The following AP3M1 variants were observed in gnomAD, a reference collection of about 807,000 sequenced individuals.
The protein encoded by AP3M1 is AP-3 complex subunit mu-1.
In AP3M1, 29 loss-of-function variants were observed where a neutral mutation model predicts 42.6. That is an observed-to-expected ratio of 0.68 (90% CI 0.51 to 0.93). AP3M1 has a LOEUF of 0.93. Ranked by LOEUF, AP3M1 falls within the 40% of genes least tolerant of loss-of-function variation. The probability of loss-of-function intolerance (pLI) is 0.00; values close to 1 mark genes in which losing one functional copy is unlikely to be tolerated. For missense variants in AP3M1, 416 were observed against 510.2 expected, an observed-to-expected ratio of 0.82 and a Z score of 1.78; for synonymous variants, 178 against 175.3, an observed-to-expected ratio of 1.02 and a Z score of -0.12.
At position 74,138,088 on chromosome 10, in the gene AP3M1, G is replaced by C; in HGVS notation, c.273+19C>G. ...TAACTTGGGTCATTTAACTTAGAAA[G>C]GTATGATAGATAACCAACCTGAAAA... On this transcript the variant is annotated intron_variant, in intron 2 of 8. Coordinates refer to ENST00000355264, the MANE Select transcript of AP3M1 (RefSeq NM_012095.6). 6.2e-7 allele frequency: 1 copy of C among 1,606,028 alleles called. No individual in the cohort carries two copies. Among genetic ancestry groups the C allele is most frequent in the Middle Eastern group, 1.7e-4 (1 of 6,006 alleles).
Position 74,129,110 on chromosome 10 carries a change from T to C in AP3M1, c.801A>G (p.Gln267=). The C allele has an allele frequency of 6.2e-7, 1 of 1,613,846 alleles. No individual in the cohort carries two copies. ...FRLISYRVSS[Q]NLVAIPVYVK... is the part of the protein sequence containing the mutation. ...TTCTGGCTGATGCATCAACATACTT[T>C]TGTGAGCTGACACGGTATGATATGA... Residue 267 remains glutamine, a splice_region_variant and synonymous_variant, in exon 6 of 9, where the codon CAA becomes CAG. Coordinates refer to ENST00000355264, the MANE Select transcript of AP3M1 (RefSeq NM_012095.6).
chr10:74,148,254 G>A (rs1455181491), intron 1 of AP3M1, among the ~76,000 whole-genome samples: 3 of 152,240 alleles, frequency 2.0e-5, no homozygotes, highest in Middle Eastern at 3.4e-3. Context: ...AGGGAAAAAC[G>A]GAAAGAGGAC....
intron 1 of AP3M1, among the ~76,000 whole-genome samples, chr10:74,139,619 T>TAA (rs1393414476): frequency 2.0e-4 from 21 of 104,626 alleles, no homozygotes; most frequent in Admixed American, 1.3e-3. Flanking sequence ...CTGTCTCTAC[T>TAA]AAAAAAAAAA....
At chr10:74,149,119 C>T (rs1226497270) in intron 1 of AP3M1, among the ~76,000 whole-genome samples, 1 of 151,952 alleles carries the variant, frequency 6.6e-6, no homozygotes, top group Non-Finnish European at 1.5e-5. Context: ...GATCCACCCA[C>T]CTCAGCCTCT....
chr10:74,129,845 C>T, intron 5 of AP3M1, 62 bp downstream of exon 5: 2 of 1,054,466 alleles, frequency 1.9e-6, no homozygotes, highest in Non-Finnish European at 2.9e-6. Context: ...TTTATCATTT[C>T]ATTTAGTACT....
intron 1 of AP3M1, among the ~76,000 whole-genome samples, chr10:74,141,772 G>A (rs1841160351): frequency 6.7e-6 from 1 of 149,954 alleles, no homozygotes; most frequent in Non-Finnish European, 1.5e-5. Flanking sequence ...GAGTGCAATG[G>A]TGTTATCTCG....
intron 4 of AP3M1, among the ~76,000 whole-genome samples, chr10:74,133,260 G>A (rs764825715): frequency 8.5e-5 from 13 of 152,152 alleles, no homozygotes; most frequent in Non-Finnish European, 1.8e-4. Context: ...TGGGCATGCT[G>A]GTGCATGCCT....
chr10:74,124,611 C>T (rs1321558457), intron 7 of AP3M1, 87 bp from the exon 8 acceptor site: 1 of 1,153,960 alleles, frequency 8.7e-7, no homozygotes, highest in Non-Finnish European at 1.2e-6. Context: ...TCATAAACTT[C>T]TGTACAAACT....
chr10:74,127,688 AAAAC>A (rs751283704), intron 6 of AP3M1, among the ~76,000 whole-genome samples: 7 of 152,168 alleles, frequency 4.6e-5, no homozygotes, highest in South Asian at 4.2e-4. Flanking sequence ...AAAATAACAT[AAAAC>A]AAACAAACAA....
At chr10:74,149,324 C>G (rs977777117) in intron 1 of AP3M1, among the ~76,000 whole-genome samples, 34 of 103,986 alleles carry the variant, frequency 3.3e-4, no homozygotes, top group African/African-American at 1.3e-3. Context: ...GAGTCTCGCT[C>G]TGTCGCTCAG....
chr10:74,149,435 G>A lies in AP3M1; in HGVS notation c.-4+1320C>T, dbSNP rs373941461. Among the ~76,000 whole-genome samples the A allele has an allele frequency of 4.8e-3, 733 of 151,420 alleles. 2 individuals are homozygous for A. Among genetic ancestry groups the A allele is most frequent in the Middle Eastern group, 0.02 (6 of 294 alleles). ...CTACCAAGTAGCTGGGACTACAGGCGTGTGCCACCACACCTGGCTAATTTT... is the reference window on the plus strand; with the variant it reads ...CTACCAAGTAGCTGGGACTACAGGCATGTGCCACCACACCTGGCTAATTTT... On this transcript the variant is annotated intron_variant, in intron 1 of 8. Coordinates refer to ENST00000355264, the MANE Select transcript of AP3M1 (RefSeq NM_012095.6).
Position 74,138,332 on chromosome 10 carries a change from T to G in AP3M1, c.48A>C (p.Leu16=), listed in dbSNP as rs147488745. The G allele has an allele frequency of 6.2e-5, 100 of 1,614,064 alleles. No individual in the cohort carries two copies. Among genetic ancestry groups the G allele is most frequent in the Non-Finnish European group, 8.0e-5 (94 of 1,180,018 alleles). Reference sequence around the variant, plus strand: ...TCACAACGCTCTTCCAGTGCTTCTCTAGAAATATGTCACCGGAACAGTTTA... The same window carrying G: ...TCACAACGCTCTTCCAGTGCTTCTCGAGAAATATGTCACCGGAACAGTTTA... ...FLINCSGDIF[L]EKHWKSVVSQ... The change falls in exon 2 of 9, where the codon CTA becomes CTC. Residue 16 remains leucine (L), a synonymous_variant. Transcript: ENST00000355264.
intron 4 of AP3M1, among the ~76,000 whole-genome samples, chr10:74,133,019 A>G (rs1840826773): frequency 6.6e-6 from 1 of 151,552 alleles, no homozygotes; most frequent in Non-Finnish European, 1.5e-5. Context: ...TTGGGAGGCC[A>G]AGGCAGGTGG....
chr10:74,132,777 G>A (rs1264376682), intron 4 of AP3M1, among the ~76,000 whole-genome samples: 3 of 151,994 alleles, frequency 2.0e-5, no homozygotes, highest in Admixed American at 6.6e-5. Flanking sequence ...TGCACATAAT[G>A]TAGTAGCAAA....
At chr10:74,137,499 A>G (rs1353174217) in intron 2 of AP3M1, among the ~76,000 whole-genome samples, 1 of 152,218 alleles carries the variant, frequency 6.6e-6, no homozygotes, top group Non-Finnish European at 1.5e-5. Context: ...TAAATATAGA[A>G]GAGTTCATAA....
Position 74,123,831 on chromosome 10 carries a change from T to G in AP3M1, c.1236A>C (p.Gly412=). ...FKGVKYVTKA[G]KFQVRT is the part of the protein sequence containing the mutation. ...CTTCTCATGTCCTCACTTGGAACTT[T>G]CCAGCTTTCGTGACGTATTTGACTC... Residue 412 remains glycine, a synonymous_variant, in exon 9 of 9, where the codon GGA becomes GGC. Transcript: ENST00000355264. 6.2e-7 allele frequency: 1 copy of G among 1,614,198 alleles called. No homozygotes were observed. The highest frequency in any genetic ancestry group is 8.5e-7 in the Non-Finnish European group (1 of 1,180,026).
intron 1 of AP3M1, among the ~76,000 whole-genome samples, chr10:74,139,102 G>A (rs781245985): frequency 1.3e-5 from 2 of 151,604 alleles, no homozygotes; most frequent in Non-Finnish European, 2.9e-5. Flanking sequence ...TTTGAACCAG[G>A]GCAATTAAGC....
chr10:74,124,509 C>T lies in AP3M1; in HGVS notation c.1027G>A (p.Val343Met), dbSNP rs201371616. Residue 343 changes from valine (V) to methionine (M), a missense_variant, in exon 8 of 9, where the codon GTG becomes ATG. Val to Met is a conservative substitution (Grantham distance 21). Transcript: ENST00000355264. ...DPVTKVLTWD[V>M]GKITPQKLPS... ...AGCTTTTGTGGAGTAATTTTTCCCA[C>T]ATCCCATGTTAGTACCTTAAAAAGA... is the stretch of plus-strand genomic sequence containing the variant. 28 of 1,608,994 alleles carry T rather than the reference C, an allele frequency of 1.7e-5. 1 individual carries two copies. The South Asian group carries it at 3.1e-4, about 18-fold the overall frequency.
intron 8 of AP3M1, 90 bp from the exon 9 acceptor site, chr10:74,124,000 A>T: frequency 2.7e-6 from 3 of 1,100,712 alleles, no homozygotes; most frequent in Non-Finnish European, 4.1e-6. Flanking sequence ...ATCTGACATT[A>T]ACCAGTGTCC....
Sources: gnomAD v4.1 joint callset for allele counts (sites outside exome capture counted in the v4.1 genomes callset) on GRCh38, gnomAD v4.1.1 for gene constraint, MANE v1.5 for transcripts, NCBI Gene and HGNC (gene_info 2026-07-23, HGNC 2026-07-21) for gene names.